MRPS28: variants seen among roughly 807,000 people sequenced by gnomAD.
MRPS28 encodes small ribosomal subunit protein bS1m.
A neutral mutation model predicts 10.8 loss-of-function variants in MRPS28; 7 were observed. That is an observed-to-expected ratio of 0.65 (90% CI 0.37 to 1.22). The LOEUF is 1.22. MRPS28 is among the 50% of genes most tolerant of loss of function. The pLI, the probability that MRPS28 is intolerant of heterozygous loss-of-function variation, is 0.02. For synonymous variants in MRPS28, 121 were observed against 93.3 expected (o/e 1.30, Z -1.71); for missense variants, 265 against 232.9 (o/e 1.14, Z -0.90).
chr8:79,936,162 C>T (rs1159343824), intron 2 of MRPS28, among the ~76,000 whole-genome samples: 2 of 151,324 alleles, frequency 1.3e-5, no homozygotes. Flanking sequence ...GCCTGGGCAA[C>T]ACAAAAAATT....
intron 2 of MRPS28, among the ~76,000 whole-genome samples, chr8:79,967,941 A>C (rs960615697): frequency 3.3e-5 from 5 of 152,122 alleles, no homozygotes; most frequent in African/African-American, 7.2e-5. Flanking sequence ...ATTATCTTGA[A>C]TGTACAGATT....
At chr8:79,961,138 C>T (rs1349305453) in intron 2 of MRPS28, among the ~76,000 whole-genome samples, 2 of 152,014 alleles carry the variant, frequency 1.3e-5, no homozygotes, top group Admixed American at 6.6e-5. Flanking sequence ...TGAAGCTGAA[C>T]GATGAGAGGA....
At chr8:79,919,240 TTG>T (rs987695028) in intron 2 of MRPS28, 92 bp from the exon 3 acceptor site, 2 of 993,404 alleles carry the variant, frequency 2.0e-6, no homozygotes, top group Non-Finnish European at 2.7e-6. Context: ...CAATTTTAAT[TTG>T]TGTTAGCTCA....
At chr8:80,006,425 C>T (rs1808847936) in intron 1 of MRPS28, among the ~76,000 whole-genome samples, 1 of 152,124 alleles carries the variant, frequency 6.6e-6, no homozygotes, top group Admixed American at 6.6e-5. Flanking sequence ...AAGATCAGAG[C>T]AGAACTGAAG....
intron 1 of MRPS28, among the ~76,000 whole-genome samples, chr8:80,010,705 C>A (rs1563542104): frequency 2.0e-5 from 3 of 152,176 alleles, no homozygotes; most frequent in Admixed American, 1.3e-4. Context: ...TTGAATTTGG[C>A]CCACGAACCA....
intron 2 of MRPS28, among the ~76,000 whole-genome samples, chr8:79,944,556 C>T (rs1203010476): frequency 6.6e-6 from 1 of 152,132 alleles, no homozygotes; most frequent in African/African-American, 2.4e-5. Flanking sequence ...TTTCAAATTT[C>T]TTTGGAGGCT....
intron 1 of MRPS28, among the ~76,000 whole-genome samples, chr8:80,022,860 G>T (rs530496126): frequency 6.6e-6 from 1 of 152,236 alleles, no homozygotes; most frequent in Admixed American, 6.5e-5. Context: ...TGAGAGTTAC[G>T]ATCTCCAAAT....
intron 2 of MRPS28, among the ~76,000 whole-genome samples, chr8:79,997,514 T>A (rs1167669952): frequency 6.6e-6 from 1 of 152,154 alleles, no homozygotes; most frequent in Non-Finnish European, 1.5e-5. Flanking sequence ...TTTTTATAAT[T>A]TTTGTTTCAA....
intron 2 of MRPS28, among the ~76,000 whole-genome samples, chr8:79,987,240 T>C (rs1808213579): frequency 6.6e-6 from 1 of 152,162 alleles, no homozygotes; most frequent in African/African-American, 2.4e-5. Flanking sequence ...AAGCTGAAAC[T>C]GGATCCCTTC....
At chr8:80,009,248 AG>A (rs991844984) in intron 1 of MRPS28, among the ~76,000 whole-genome samples, 8 of 152,096 alleles carry the variant, frequency 5.3e-5, no homozygotes, top group African/African-American at 1.9e-4. Flanking sequence ...GACACAGGAA[AG>A]GGAACATCAC....
intron 2 of MRPS28, among the ~76,000 whole-genome samples, chr8:79,967,598 G>A (rs1434811935): frequency 6.6e-6 from 1 of 152,178 alleles, no homozygotes; most frequent in Non-Finnish European, 1.5e-5. Flanking sequence ...CATGTGCTAC[G>A]TGTGTGCAAC....
chr8:79,939,977 T>TAA (rs11443456), intron 2 of MRPS28, among the ~76,000 whole-genome samples: 5,247 of 140,626 alleles, frequency 0.037, 162 homozygotes, highest in African/African-American at 0.074. Context: ...CCGTCTCAAA[T>TAA]AAAAAAAAAA....
chr8:79,919,836 T>A (rs1433797283), intron 2 of MRPS28, among the ~76,000 whole-genome samples: 1 of 152,162 alleles, frequency 6.6e-6, no homozygotes, highest in Non-Finnish European at 1.5e-5. Flanking sequence ...TTAGGGTACA[T>A]GTGCACAACG....
chr8:80,000,663 C>T (rs1185085892), intron 2 of MRPS28, among the ~76,000 whole-genome samples: 7 of 152,174 alleles, frequency 4.6e-5, no homozygotes, highest in Non-Finnish European at 1.0e-4. Context: ...CTATACTACA[C>T]ATAAAACAAA....
At chr8:80,013,634 CAAAAAAAA>C (rs5892700) in intron 1 of MRPS28, among the ~76,000 whole-genome samples, 6 of 75,628 alleles carry the variant, frequency 7.9e-5, no homozygotes, top group African/African-American at 1.1e-4. Context: ...GACTCCATCT[CAAAAAAAA>C]AAAAAAAAAA....
chr8:79,982,642 C>A (rs1443333085), intron 2 of MRPS28, among the ~76,000 whole-genome samples: 1 of 152,156 alleles, frequency 6.6e-6, no homozygotes, highest in Non-Finnish European at 1.5e-5. Flanking sequence ...GGTCCTATAC[C>A]CACGGAGTCT....
intron 1 of MRPS28, among the ~76,000 whole-genome samples, chr8:80,004,124 C>A (rs1808752605): frequency 6.6e-6 from 1 of 152,192 alleles, no homozygotes; most frequent in Non-Finnish European, 1.5e-5. Context: ...TGTCTGACAG[C>A]TTTGAAGAGA....
intron 2 of MRPS28, among the ~76,000 whole-genome samples, chr8:79,934,079 C>G (rs1229853090): frequency 6.6e-6 from 1 of 152,088 alleles, no homozygotes; most frequent in Admixed American, 6.5e-5. Context: ...AATCCTTTGA[C>G]AGAGTATATC....
chr8:79,997,614 GAA>G (rs58403494), intron 2 of MRPS28, among the ~76,000 whole-genome samples: 1 of 140,268 alleles, frequency 7.1e-6, no homozygotes, highest in Non-Finnish European at 1.6e-5. Context: ...AGAGATGGGG[GAA>G]AAAAAAAAAA....
Sources: gnomAD v4.1 joint callset for allele counts (sites outside exome capture counted in the v4.1 genomes callset) on GRCh38, gnomAD v4.1.1 for gene constraint, MANE v1.5 for transcripts, NCBI Gene and HGNC (gene_info 2026-07-23, HGNC 2026-07-21) for gene names.